The following SOX6 variants were observed in gnomAD, a reference collection of about 807,000 sequenced individuals.
SOX6 encodes the protein SRY-box transcription factor 6.
Under a neutral mutation model 97.8 loss-of-function variants are expected in SOX6, and 11 were observed. The observed-to-expected ratio is 0.11, with a 90% CI of 0.07 to 0.19. The LOEUF (loss-of-function observed/expected upper bound fraction) is 0.19, where lower values mean the gene tolerates loss of function less well. SOX6 is among the 10% of genes least tolerant of loss of function. SOX6 has a pLI of 1.00. For missense variants in SOX6, 810 were observed against 1,039.5 expected (o/e 0.78, Z 3.04); for synonymous variants, 360 against 371.4 (o/e 0.97, Z 0.35).
chr11:16,052,714 A>C (rs946637750), intron 10 of SOX6, among the ~76,000 whole-genome samples: 7 of 152,286 alleles, frequency 4.6e-5, no homozygotes, highest in African/African-American at 1.7e-4. Context: ...TAAATATTTG[A>C]AAACTTTATT....
intron 3 of SOX6, among the ~76,000 whole-genome samples, chr11:16,260,051 G>A (rs1305185447): frequency 6.6e-6 from 1 of 151,924 alleles, no homozygotes; most frequent in African/African-American, 2.4e-5. Context: ...CCAGCTTGGA[G>A]TGCAGTGGCC....
At chr11:16,380,727 G>A (rs1331452550) in intron 1 of SOX6, among the ~76,000 whole-genome samples, 1 of 151,978 alleles carries the variant, frequency 6.6e-6, no homozygotes, top group Non-Finnish European at 1.5e-5. Context: ...TTGCAAATGA[G>A]ACATAAAAAG....
chr11:16,426,913 C>CA (rs34720074), intron 1 of SOX6, among the ~76,000 whole-genome samples: 35,704 of 62,558 alleles, frequency 0.57, 10,659 homozygotes, highest in Non-Finnish European at 0.62. Flanking sequence ...GACTCCGTCT[C>CA]AAAAAAAAAA....
At chr11:16,488,351 C>T (rs1313451773) in intron 4 of SOX6, among the ~76,000 whole-genome samples, 6 of 152,046 alleles carry the variant, frequency 3.9e-5, no homozygotes, top group Non-Finnish European at 7.4e-5. Context: ...TATATAATCT[C>T]ACTTTCTAAA....
intron 4 of SOX6, among the ~76,000 whole-genome samples, chr11:16,554,770 G>A (rs935050933): frequency 2.6e-5 from 4 of 151,982 alleles, no homozygotes; most frequent in African/African-American, 7.2e-5. Flanking sequence ...AGGTCAGTCT[G>A]AACTGTTCCA....
Position 16,737,309 on chromosome 11 carries a change from C to T in SOX6, n.220-837G>A, listed in dbSNP as rs544340899. Among the ~76,000 whole-genome samples the T allele has an allele frequency of 6.6e-5, 10 of 152,244 alleles. No homozygotes were observed. The East Asian group carries it at 7.7e-4, about 12-fold the overall frequency. Reference sequence around the variant, plus strand: ...GAAACCTCCGCCTCCCGGGTTCAAGCGATTCTCCTGCCTCAGCCTCCCGAG... The same window carrying T: ...GAAACCTCCGCCTCCCGGGTTCAAGTGATTCTCCTGCCTCAGCCTCCCGAG... On this transcript the variant is annotated intron_variant and non_coding_transcript_variant, in intron 1 of 5. Coordinates refer to the SOX6 transcript ENST00000524520.
At chr11:16,098,416 A>T (rs1848856338) in intron 7 of SOX6, among the ~76,000 whole-genome samples, 1 of 151,860 alleles carries the variant, frequency 6.6e-6, no homozygotes, top group Non-Finnish European at 1.5e-5. Context: ...CCTGGTAAAG[A>T]GTGAGTATGG....
chr11:16,032,548 T>G (rs961965053), intron 12 of SOX6, among the ~76,000 whole-genome samples: 2 of 152,126 alleles, frequency 1.3e-5, no homozygotes, highest in Non-Finnish European at 2.9e-5. Context: ...AGATTGACTG[T>G]CTCCAAGTTT....
At chr11:16,006,148 T>C (rs1023936321) in intron 13 of SOX6, among the ~76,000 whole-genome samples, 4 of 152,022 alleles carry the variant, frequency 2.6e-5, no homozygotes, top group Admixed American at 6.6e-5. Context: ...AGCTTTCTCA[T>C]GTTATAACAT....
At chr11:16,233,694 C>A (rs1022094539) in intron 4 of SOX6, among the ~76,000 whole-genome samples, 2 of 152,042 alleles carry the variant, frequency 1.3e-5, no homozygotes, top group Admixed American at 6.6e-5. Flanking sequence ...GTATTATCCT[C>A]ATTTTATAGA....
chr11:16,630,515 G>A (rs1302060296), intron 3 of SOX6, among the ~76,000 whole-genome samples: 1 of 152,034 alleles, frequency 6.6e-6, no homozygotes, highest in Admixed American at 6.6e-5. Flanking sequence ...CAAGCATGTG[G>A]TTGATCTTGG....
chr11:16,682,142 TGG>T (rs1438546693), intron 3 of SOX6, among the ~76,000 whole-genome samples: 57 of 152,318 alleles, frequency 3.7e-4, no homozygotes, highest in African/African-American at 1.3e-3. Flanking sequence ...TAACAAAGCC[TGG>T]TAGAGACACA....
rs539284049 is a variant in SOX6, at chr11:16,049,238, C to T, written c.1435+517G>A. On this transcript the variant is annotated intron_variant, in intron 11 of 15. Transcript: ENST00000683767. Reference sequence around the variant, plus strand: ...ATGAATATTCCTAGAGATACTTGGCCATATATGGGGGAGTATAAGGAGCCA... The same window carrying T: ...ATGAATATTCCTAGAGATACTTGGCTATATATGGGGGAGTATAAGGAGCCA... Among the ~76,000 whole-genome samples the T allele has an allele frequency of 4.3e-4, 66 of 152,146 alleles. 1 individual carries two copies. In the South Asian group the frequency reaches 0.013, roughly 31 times the overall value.
intron 7 of SOX6, among the ~76,000 whole-genome samples, chr11:16,106,407 TAGAA>T (rs1849086989): frequency 1.3e-5 from 2 of 151,862 alleles, no homozygotes; most frequent in Non-Finnish European, 2.9e-5. Flanking sequence ...TTAAATATAA[TAGAA>T]AGCTCAAAAT....
chr11:16,014,896 G>A lies in SOX6; in HGVS notation c.1732+46C>T, dbSNP rs371575517. Reference sequence around the variant, plus strand: ...CTATATCTAGCTCAGACACACATTTGGAAACACATGGAGCAGCAGAAAAGA... The same window carrying A: ...CTATATCTAGCTCAGACACACATTTAGAAACACATGGAGCAGCAGAAAAGA... On this transcript the variant is annotated intron_variant, in intron 13 of 15. Transcript: ENST00000683767. The A allele has an allele frequency of 4.5e-6, 7 of 1,543,472 alleles. No individual in the cohort carries two copies. In the African/African-American group the frequency reaches 9.5e-5, roughly 21 times the overall value.
At chr11:16,393,797 T>C (rs1858260166) in intron 1 of SOX6, among the ~76,000 whole-genome samples, 2 of 152,044 alleles carry the variant, frequency 1.3e-5, no homozygotes, top group Non-Finnish European at 2.9e-5. Flanking sequence ...TTAACTACTT[T>C]GCATCTTTAG....
At chr11:16,079,531 T>G (rs1848428572) in intron 9 of SOX6, among the ~76,000 whole-genome samples, 1 of 152,092 alleles carries the variant, frequency 6.6e-6, no homozygotes. Flanking sequence ...ACAAAAATAA[T>G]AATACATAGA....
chr11:16,190,978 A>T (rs1851614484), intron 4 of SOX6, among the ~76,000 whole-genome samples: 2 of 152,200 alleles, frequency 1.3e-5, no homozygotes, highest in South Asian at 4.1e-4. Flanking sequence ...ACCTGTGAAT[A>T]CAAGTTTTTT....
chr11:16,478,711 C>A (rs1373249151), upstream of SOX6, among the ~76,000 whole-genome samples: 1 of 152,094 alleles, frequency 6.6e-6, no homozygotes, highest in African/African-American at 2.4e-5. Context: ...GCTAAACAAG[C>A]AACATTTTAT....
Sources: allele counts gnomAD v4.1 joint callset (sites outside exome capture counted in the v4.1 genomes callset), GRCh38; gene constraint gnomAD v4.1.1; transcripts MANE v1.5; gene names NCBI Gene and HGNC (gene_info 2026-07-23, HGNC 2026-07-21).